ECI2: variants seen among roughly 807,000 people sequenced by gnomAD.
ECI2 encodes the protein enoyl-CoA delta isomerase 2, also known as D3,D2-enoyl-CoA isomerase.
ECI2 carries 27 observed loss-of-function variants against 38.4 expected under a neutral mutation model. That is an observed-to-expected ratio of 0.70 (90% CI 0.52 to 0.97). ECI2 has a LOEUF of 0.97. ECI2 is among the 50% of genes least tolerant of loss of function. The pLI is 0.00. For missense variants in ECI2, 470 were observed against 474.4 expected, an observed-to-expected ratio of 0.99 and a Z score of 0.09; for synonymous variants, 168 against 172.0, an observed-to-expected ratio of 0.98 and a Z score of 0.18.
At chr6:4,126,580 G>C (rs2113992471) in intron 5 of ECI2, among the ~76,000 whole-genome samples, 1 of 152,268 alleles carries the variant, frequency 6.6e-6, no homozygotes, top group East Asian at 1.9e-4. Context: ...AGAAAAAGAG[G>C]GCTGGGAAGA....
intron 7 of ECI2, among the ~76,000 whole-genome samples, chr6:4,120,506 C>A (rs150903618): frequency 2.1e-3 from 313 of 152,206 alleles, no homozygotes; most frequent in African/African-American, 6.9e-3. Context: ...GTGGGCAAAT[C>A]ACCTGAGGTC....
intron 7 of ECI2, among the ~76,000 whole-genome samples, chr6:4,123,490 A>C (rs1772942019): frequency 6.6e-6 from 1 of 151,534 alleles, no homozygotes; most frequent in African/African-American, 2.4e-5. Context: ...ATCAGAAGAC[A>C]CTATTTGACA....
intron 9 of ECI2, 60 bp from the exon 10 acceptor site, chr6:4,116,089 G>T: frequency 1.3e-6 from 2 of 1,555,574 alleles, no homozygotes; most frequent in Middle Eastern, 3.5e-4. Context: ...GTGGACTCAT[G>T]CCTGTAATCC....
At chr6:4,134,445 C>G (rs1392143850) in intron 1 of ECI2, among the ~76,000 whole-genome samples, 1 of 152,122 alleles carries the variant, frequency 6.6e-6, no homozygotes, top group East Asian at 1.9e-4. Context: ...TTTAAGCACA[C>G]ATAGTGAGCG....
intron 9 of ECI2, among the ~76,000 whole-genome samples, chr6:4,116,807 G>C (rs928546580): frequency 6.6e-6 from 1 of 152,160 alleles, no homozygotes; most frequent in Non-Finnish European, 1.5e-5. Flanking sequence ...AATTCAGTGT[G>C]CATATAAATC....
intron 7 of ECI2, among the ~76,000 whole-genome samples, chr6:4,123,523 A>AT (rs1426711416): frequency 6.6e-6 from 1 of 150,478 alleles, no homozygotes; most frequent in Admixed American, 6.6e-5. Context: ...TTTTGGCCAA[A>AT]TTTTTTAGCA....
intron 7 of ECI2, among the ~76,000 whole-genome samples, chr6:4,123,865 G>A (rs1379265589): frequency 1.3e-5 from 2 of 152,076 alleles, no homozygotes; most frequent in Admixed American, 1.3e-4. Context: ...AGGAGGCTGA[G>A]TGGGAGAATC....
intron 6 of ECI2, chr6:4,125,703 CACA>C (rs746169640): frequency 1.4e-5 from 6 of 429,244 alleles, no homozygotes; most frequent in African/African-American, 4.0e-5. Context: ...GCTGCAATAT[CACA>C]ACAAGTGGGA....
At chr6:4,131,104 G>A (rs752328280) in intron 2 of ECI2, among the ~76,000 whole-genome samples, 7 of 146,170 alleles carry the variant, frequency 4.8e-5, no homozygotes, top group Non-Finnish European at 1.0e-4. Context: ...GCAGGATAAA[G>A]GTTTTGGGGA....
chr6:4,126,752 A>G (rs1773188830), intron 5 of ECI2, among the ~76,000 whole-genome samples: 2 of 152,224 alleles, frequency 1.3e-5, no homozygotes, highest in African/African-American at 4.8e-5. Flanking sequence ...TGTAGATCCC[A>G]TGAGGAAGTT....
intron 4 of ECI2, among the ~76,000 whole-genome samples, chr6:4,129,112 CCCTTCCTT>C (rs111367400): frequency 6.1e-5 from 9 of 147,258 alleles, no homozygotes; most frequent in South Asian, 2.3e-4. Context: ...CTCCCTTCCT[CCCTTCCTT>C]CCTTCCTTCT....
intron 7 of ECI2, chr6:4,122,194 A>C: frequency 7.2e-6 from 3 of 414,464 alleles, no homozygotes; most frequent in Non-Finnish European, 8.8e-6. Context: ...CAGTTTTCTC[A>C]TTTGTAAAAT....
intron 1 of ECI2, chr6:4,135,201 C>T: frequency 1.3e-6 from 1 of 757,436 alleles, no homozygotes; most frequent in Non-Finnish European, 2.2e-6. Context: ...GCGGCTCACC[C>T]GCCCGGAGTC....
rs575135773 is a variant in ECI2 at position 4,116,902 on chromosome 6, C to T, written c.1029+406G>A. Among the ~76,000 whole-genome samples, 4 of 152,362 alleles carry T rather than the reference C, an allele frequency of 2.6e-5. No individual in the cohort carries two copies. The South Asian group carries it at 8.3e-4, about 32-fold the overall frequency. ...GCTCAAGCTTCTGGCTCCAGGACTACATTTTGAATAGCAAGAATATAAAAG... is the reference window on the plus strand; with the variant it reads ...GCTCAAGCTTCTGGCTCCAGGACTATATTTTGAATAGCAAGAATATAAAAG... On this transcript the variant is annotated intron_variant, in intron 9 of 9. Transcript: ENST00000380118.
chr6:4,119,063 C>T, intron 8 of ECI2, 123 bp downstream of exon 8: 2 of 799,342 alleles, frequency 2.5e-6, no homozygotes, highest in Non-Finnish European at 3.8e-6. Context: ...AGTTGAAAAG[C>T]AAATCATTAG....
In ECI2 at chr6:4,117,352, CT is replaced by C; in HGVS notation, c.984del (p.Glu329LysfsTer6). On this transcript the variant is annotated frameshift_variant, in exon 9 of 10. Transcript: ENST00000380118. LOFTEE classifies it low-confidence loss of function (END_TRUNC). ...AATGCCTTCAGCCTGGTCCAGACTT[CT>C]TTCTGAAAAGTGCTATCAGGGAAAA... is the stretch of plus-strand genomic sequence containing the variant. ...TEVFPDSTFQ[K>X]EVWTRLKAFA... 6.2e-7 allele frequency: 1 copy of C among 1,613,880 alleles called. No homozygotes were observed. Among genetic ancestry groups the C allele is most frequent in the Non-Finnish European group, 8.5e-7 (1 of 1,179,912 alleles).
At chr6:4,130,290 T>C (rs772559640) in intron 4 of ECI2, 82 bp downstream of exon 4, 3 of 1,613,576 alleles carry the variant, frequency 1.9e-6, no homozygotes, top group Non-Finnish European at 8.5e-7. Flanking sequence ...ATAGGAATGA[T>C]GCTGAAACTC....
intron 4 of ECI2, 170 bp downstream of exon 4, chr6:4,130,202 A>G (rs775770189): frequency 6.2e-7 from 1 of 1,613,840 alleles, no homozygotes; most frequent in Admixed American, 1.7e-5. Context: ...ACTCTAAACA[A>G]TGAATGCTCA....
At position 4,125,298 on chromosome 6, in the gene ECI2, GATGCCCACAGC is replaced by G; in HGVS notation, c.736_746del (p.Ala246LeufsTer15). On this transcript the variant is annotated frameshift_variant, in exon 7 of 10. Transcript: ENST00000380118. LOFTEE classifies it high-confidence loss of function. Reference sequence around the variant, plus strand: ...CGAATAGCCCAAGGAGGGTGACGGAGATGCCCACAGCTGGACCATTGACCACTGCAATCAGA... The same window carrying G: ...CGAATAGCCCAAGGAGGGTGACGGAGTGGACCATTGACCACTGCAATCAGA... 1 of 1,614,168 alleles carries G rather than the reference GATGCCCACAGC, an allele frequency of 6.2e-7. No homozygotes were observed. Among genetic ancestry groups the G allele is most frequent in the Non-Finnish European group, 8.5e-7 (1 of 1,180,032 alleles).
Sources: gnomAD v4.1 joint callset for allele counts (sites outside exome capture counted in the v4.1 genomes callset) on GRCh38, gnomAD v4.1.1 for gene constraint, MANE v1.5 for transcripts, NCBI Gene and HGNC (gene_info 2026-07-23, HGNC 2026-07-21) for gene names.